Variants in SLC4A10 observed in about 807,000 individuals in gnomAD.
The protein encoded by SLC4A10 is solute carrier family 4 member 10.
In SLC4A10, 42 loss-of-function variants were observed where a neutral mutation model predicts 137.7. The ratio of observed to expected loss-of-function variants is 0.30; its 90% CI spans 0.24 to 0.39. The LOEUF (loss-of-function observed/expected upper bound fraction) is 0.39. SLC4A10 is among the 10% of genes least tolerant of loss of function. The probability of loss-of-function intolerance (pLI) is 1.00; values close to 1 mark genes in which losing one functional copy is unlikely to be tolerated. For synonymous variants in SLC4A10, 474 were observed against 464.1 expected, an observed-to-expected ratio of 1.02 and a Z score of -0.27; for missense variants, 925 against 1,355.0, an observed-to-expected ratio of 0.68 and a Z score of 4.98.
intron 23 of SLC4A10, among the ~76,000 whole-genome samples, chr2:161,966,085 T>C (rs1386981650): frequency 6.6e-6 from 1 of 152,232 alleles, no homozygotes; most frequent in Admixed American, 6.5e-5. Flanking sequence ...CCTATTTCCT[T>C]TGGGGAATTC....
intron 1 of SLC4A10, among the ~76,000 whole-genome samples, chr2:161,754,476 A>G (rs555101397): frequency 5.9e-5 from 9 of 152,312 alleles, no homozygotes; most frequent in African/African-American, 1.9e-4. Context: ...TTGTTCTCAT[A>G]TGAATTATGG....
At chr2:161,938,253 A>C (rs1691949232) in intron 15 of SLC4A10, among the ~76,000 whole-genome samples, 1 of 152,164 alleles carries the variant, frequency 6.6e-6, no homozygotes, top group Non-Finnish European at 1.5e-5. Context: ...TCTGGGGGAC[A>C]GAGAGAAACC....
chr2:161,642,488 T>C, intron 1 of SLC4A10, among the ~76,000 whole-genome samples: 1 of 152,026 alleles, frequency 6.6e-6, no homozygotes. Flanking sequence ...AAAAATAATC[T>C]GCATATTTAG....
chr2:161,650,188 C>CA lies in SLC4A10; in HGVS notation c.48+25622_48+25623insA, dbSNP rs568922934. ...TCCTTTGTTTTTCATGATCTTGATACTTTTGAATAGTACTGGTCAGATATG... is the reference window on the plus strand; with the variant it reads ...TCCTTTGTTTTTCATGATCTTGATACATTTTGAATAGTACTGGTCAGATATG... On this transcript the variant is annotated intron_variant, in intron 1 of 26. Transcript: ENST00000446997. Among the ~76,000 whole-genome samples, 176 of 152,280 alleles carry CA rather than the reference C, an allele frequency of 1.2e-3. 2 individuals are homozygous for CA. The South Asian group carries it at 0.02, about 17-fold the overall frequency.
chr2:161,698,025 C>T (rs2042727238), intron 1 of SLC4A10, among the ~76,000 whole-genome samples: 1 of 152,120 alleles, frequency 6.6e-6, no homozygotes. Context: ...TCTTTCACAT[C>T]CCTTGTAAGT....
chr2:161,713,343 C>A (rs1464719807), intron 1 of SLC4A10, among the ~76,000 whole-genome samples: 1 of 151,764 alleles, frequency 6.6e-6, no homozygotes, highest in Non-Finnish European at 1.5e-5. Flanking sequence ...AGCTCTAACC[C>A]TCTTGAGACT....
intron 1 of SLC4A10, among the ~76,000 whole-genome samples, chr2:161,760,323 A>G (rs985765744): frequency 4.0e-5 from 6 of 151,818 alleles, no homozygotes. Context: ...TCATCTTTCC[A>G]GTTAACTGTT....
At chr2:161,782,985 C>A (rs545236147) in intron 2 of SLC4A10, among the ~76,000 whole-genome samples, 2 of 150,972 alleles carry the variant, frequency 1.3e-5, no homozygotes, top group South Asian at 4.2e-4. Context: ...AATGTGTAAT[C>A]CAAGGACCCC....
chr2:161,701,891 A>C (rs997464406), intron 1 of SLC4A10, among the ~76,000 whole-genome samples: 1 of 151,962 alleles, frequency 6.6e-6, no homozygotes, highest in Non-Finnish European at 1.5e-5. Context: ...ATTATGAAAA[A>C]GACAAAAAAT....
intron 1 of SLC4A10, 39 bp from the exon 2 acceptor site, chr2:161,770,932 ATG>A: frequency 7.2e-7 from 1 of 1,392,146 alleles, no homozygotes; most frequent in Non-Finnish European, 1.0e-6. Context: ...TTGAGATAAT[ATG>A]TGTGTTATCA....
At chr2:161,948,875 T>G (rs180953530) in intron 17 of SLC4A10, among the ~76,000 whole-genome samples, 1 of 152,210 alleles carries the variant, frequency 6.6e-6, no homozygotes, top group Admixed American at 6.6e-5. Flanking sequence ...AGTTAGATTT[T>G]AAATAAACAT....
At chr2:161,666,742 A>G (rs1169256183) in intron 1 of SLC4A10, among the ~76,000 whole-genome samples, 1 of 151,712 alleles carries the variant, frequency 6.6e-6, no homozygotes, top group Non-Finnish European at 1.5e-5. Context: ...GGAACATACT[A>G]TAATTCTTTC....
At chr2:161,733,150 G>A (rs951479798) in intron 1 of SLC4A10, among the ~76,000 whole-genome samples, 9 of 152,182 alleles carry the variant, frequency 5.9e-5, no homozygotes, top group East Asian at 1.9e-4. Flanking sequence ...ATGAGGAGCC[G>A]CATGTTAATC....
chr2:161,849,292 G>A (rs1231598516), intron 4 of SLC4A10, among the ~76,000 whole-genome samples: 5 of 152,016 alleles, frequency 3.3e-5, no homozygotes, highest in African/African-American at 9.7e-5. Context: ...GCAGATCTAG[G>A]AGCCTCAAGC....
chr2:161,691,935 T>C lies in SLC4A10; in HGVS notation c.48+67369T>C, dbSNP rs190235221. ...GAAGTTCAAATAAAATATTATGCAT[T>C]TAGAGGTCATGTACATAAAAAGAAA... On this transcript the variant is annotated intron_variant, in intron 1 of 26. Coordinates refer to ENST00000446997, the MANE Select transcript of SLC4A10 (RefSeq NM_001178015.2). Among the ~76,000 whole-genome samples, 9 of 152,186 alleles carry C rather than the reference T, an allele frequency of 5.9e-5. No individual in the cohort carries two copies. In the East Asian group the frequency reaches 1.7e-3, roughly 29 times the overall value.
chr2:161,651,968 C>A (rs1342682234), intron 1 of SLC4A10, among the ~76,000 whole-genome samples: 1 of 152,212 alleles, frequency 6.6e-6, no homozygotes, highest in Admixed American at 6.5e-5. Flanking sequence ...CAAATTGACA[C>A]CCCAAAGATC....
At chr2:161,748,780 T>A (rs2048651516) in intron 1 of SLC4A10, among the ~76,000 whole-genome samples, 1 of 152,098 alleles carries the variant, frequency 6.6e-6, no homozygotes, top group African/African-American at 2.4e-5. Context: ...TGTGGTTCCA[T>A]ATGAATTTTA....
intron 1 of SLC4A10, among the ~76,000 whole-genome samples, chr2:161,728,432 T>C (rs991356613): frequency 5.9e-5 from 9 of 151,786 alleles, no homozygotes; most frequent in African/African-American, 2.2e-4. Flanking sequence ...AAAAATTAGC[T>C]GGGCATGGTG....
At chr2:161,829,432 C>A (rs2058276901) in intron 3 of SLC4A10, among the ~76,000 whole-genome samples, 1 of 152,158 alleles carries the variant, frequency 6.6e-6, no homozygotes, top group South Asian at 2.1e-4. Context: ...AAGAAATCAG[C>A]CTCACATTTT....
Sources: gnomAD v4.1 joint callset for allele counts (sites outside exome capture counted in the v4.1 genomes callset) on GRCh38, gnomAD v4.1.1 for gene constraint, MANE v1.5 for transcripts, NCBI Gene and HGNC (gene_info 2026-07-23, HGNC 2026-07-21) for gene names.